The following CCDC191 variants were observed in gnomAD, a reference collection of about 807,000 sequenced individuals.
CCDC191 encodes coiled-coil domain containing 191.
Under a neutral mutation model 114.0 loss-of-function variants are expected in CCDC191, and 99 were observed. That is an observed-to-expected ratio of 0.87 (90% CI 0.74 to 1.03). CCDC191 has a LOEUF of 1.03. Ranked by LOEUF, CCDC191 falls within the 50% of genes least tolerant of loss-of-function variation. The probability of loss-of-function intolerance (pLI) is 0.00; values close to 1 mark genes in which losing one functional copy is unlikely to be tolerated. For missense variants in CCDC191, 973 were observed against 1,087.0 expected (o/e 0.90, Z 1.47); for synonymous variants, 351 against 376.0 (o/e 0.93, Z 0.77).
intron 7 of CCDC191, among the ~76,000 whole-genome samples, chr3:114,029,232 A>G (rs536174369): frequency 6.6e-6 from 1 of 152,310 alleles, no homozygotes; most frequent in East Asian, 1.9e-4. Flanking sequence ...TTGAAAGAAC[A>G]AAGGAGCCAA....
chr3:113,992,000 GAT>G (rs1174610773), intron 13 of CCDC191, among the ~76,000 whole-genome samples: 1 of 152,040 alleles, frequency 6.6e-6, no homozygotes, highest in Non-Finnish European at 1.5e-5. Flanking sequence ...AGAAATCAAA[GAT>G]ATAAATAGAG....
At chr3:113,983,116 T>C (rs991856277) in intron 13 of CCDC191, among the ~76,000 whole-genome samples, 2 of 152,168 alleles carry the variant, frequency 1.3e-5, no homozygotes, top group Admixed American at 6.5e-5. Context: ...GAATCACTTA[T>C]CTGTGCTACT....
At chr3:113,995,914 G>A (rs1051712026) in intron 13 of CCDC191, among the ~76,000 whole-genome samples, 3 of 152,102 alleles carry the variant, frequency 2.0e-5, no homozygotes, top group Admixed American at 6.6e-5. Flanking sequence ...TTTTGGCTGC[G>A]TAAATGTCTT....
intron 7 of CCDC191, among the ~76,000 whole-genome samples, chr3:114,023,159 G>A (rs543613395): frequency 7.9e-5 from 12 of 152,202 alleles, no homozygotes; most frequent in African/African-American, 2.9e-4. Flanking sequence ...GGATGCGAAG[G>A]ACCTCTTCAA....
intron 7 of CCDC191, among the ~76,000 whole-genome samples, chr3:114,019,296 C>T (rs903705908): frequency 7.2e-5 from 11 of 152,258 alleles, no homozygotes; most frequent in South Asian, 4.1e-4. Flanking sequence ...CACAAGTGAA[C>T]GGGGGAGATT....
intron 5 of CCDC191, among the ~76,000 whole-genome samples, chr3:114,035,781 T>C (rs1315432309): frequency 6.6e-6 from 1 of 152,170 alleles, no homozygotes; most frequent in African/African-American, 2.4e-5. Flanking sequence ...ACCCTTATCT[T>C]ACTCACTAGT....
At chr3:114,014,257 T>C (rs957851076) in intron 8 of CCDC191, among the ~76,000 whole-genome samples, 4 of 152,162 alleles carry the variant, frequency 2.6e-5, no homozygotes, top group Admixed American at 1.3e-4. Flanking sequence ...AGGGACAAAA[T>C]GGAAGATAAA....
At chr3:114,045,893 A>G (rs972246669) in intron 3 of CCDC191, among the ~76,000 whole-genome samples, 5 of 152,250 alleles carry the variant, frequency 3.3e-5, no homozygotes, top group African/African-American at 7.2e-5. Context: ...CAAGAAATGT[A>G]TATTTCATGA....
intron 9 of CCDC191, among the ~76,000 whole-genome samples, chr3:114,006,656 T>A (rs948392774): frequency 6.9e-6 from 1 of 145,704 alleles, no homozygotes; most frequent in Non-Finnish European, 1.5e-5. Context: ...ATGAATTTAA[T>A]ATGCATAAAT....
At chr3:114,003,535 T>A (rs2075892966) in intron 11 of CCDC191, 1 of 985,292 alleles carries the variant, frequency 1.0e-6, no homozygotes, top group Non-Finnish European at 1.2e-6. Context: ...TAATATGCCC[T>A]TTGCCCATCT....
chr3:114,024,940 G>A (rs2076298710), intron 7 of CCDC191, among the ~76,000 whole-genome samples: 1 of 152,150 alleles, frequency 6.6e-6, no homozygotes, highest in East Asian at 1.9e-4. Context: ...AATACCCCAT[G>A]ACCAATCCTA....
At chr3:114,014,300 G>A (rs1382298805) in intron 8 of CCDC191, among the ~76,000 whole-genome samples, 2 of 152,136 alleles carry the variant, frequency 1.3e-5, no homozygotes, top group African/African-American at 2.4e-5. Context: ...GTTTTAAAGC[G>A]AGCCAGGCTA....
At position 114,046,611 on chromosome 3, in the gene CCDC191, T is replaced by G; in HGVS notation, c.251A>C (p.His84Pro). The change falls in exon 3 of 17, where the codon CAT becomes CCT. Residue 84 changes from histidine (H) to proline (P), a missense_variant. By Grantham distance (77) the His-to-Pro change is moderately conservative. Transcript: ENST00000295878. ...DLKTSEQIED[H>P]DEIYAEAQEL... ...CTTACCTTCTGCATAGATTTCATCA[T>G]GATCCTCTATTTGCTCAGATGTTTT... 6.3e-7 allele frequency: 1 copy of G among 1,598,488 alleles called. No homozygotes were observed. Among genetic ancestry groups the G allele is most frequent in the Non-Finnish European group, 8.6e-7 (1 of 1,165,920 alleles).
intron 8 of CCDC191, among the ~76,000 whole-genome samples, chr3:114,016,357 C>T (rs998164246): frequency 6.6e-6 from 1 of 152,148 alleles, no homozygotes; most frequent in African/African-American, 2.4e-5. Flanking sequence ...TGTTCCCTGA[C>T]TTGCTTATTA....
intron 4 of CCDC191, among the ~76,000 whole-genome samples, chr3:114,038,468 C>T (rs956472124): frequency 2.0e-5 from 3 of 152,138 alleles, no homozygotes; most frequent in African/African-American, 4.8e-5. Context: ...CACTAACAGT[C>T]GTATAAAAGT....
intron 6 of CCDC191, among the ~76,000 whole-genome samples, chr3:114,033,890 AG>A (rs1475289462): frequency 6.6e-6 from 1 of 152,130 alleles, no homozygotes; most frequent in Non-Finnish European, 1.5e-5. Context: ...TCAAGAGCAC[AG>A]GGGGGAAAGC....
At chr3:114,037,879 T>A (rs533618646) in intron 4 of CCDC191, among the ~76,000 whole-genome samples, 1 of 152,352 alleles carries the variant, frequency 6.6e-6, no homozygotes, top group African/African-American at 2.4e-5. Context: ...GATGGAATTA[T>A]TTTTTCCCAA....
intron 7 of CCDC191, among the ~76,000 whole-genome samples, chr3:114,024,398 C>T (rs1349544230): frequency 6.6e-6 from 1 of 152,174 alleles, no homozygotes; most frequent in Non-Finnish European, 1.5e-5. Flanking sequence ...GACACATGCA[C>T]ATGTAGGTTT....
intron 2 of CCDC191, among the ~76,000 whole-genome samples, chr3:114,049,426 T>C (rs1291572088): frequency 1.3e-5 from 2 of 152,228 alleles, no homozygotes; most frequent in Non-Finnish European, 2.9e-5. Context: ...ACAAATAAAT[T>C]GATCAACTTT....
Sources: gnomAD v4.1 joint callset for allele counts (sites outside exome capture counted in the v4.1 genomes callset) on GRCh38, gnomAD v4.1.1 for gene constraint, MANE v1.5 for transcripts, NCBI Gene and HGNC (gene_info 2026-07-23, HGNC 2026-07-21) for gene names.